PCDH9: variants seen among roughly 807,000 people sequenced by gnomAD.
PCDH9 encodes the protein protocadherin 9.
In PCDH9, 24 loss-of-function variants were observed where a neutral mutation model predicts 70.6. The ratio of observed to expected loss-of-function variants is 0.34; its 90% CI spans 0.25 to 0.48. The LOEUF (loss-of-function observed/expected upper bound fraction) is 0.48. Ranked by LOEUF, PCDH9 falls within the 20% of genes least tolerant of loss-of-function variation. PCDH9 has a pLI of 0.99. For synonymous variants in PCDH9, 562 were observed against 558.5 expected, an observed-to-expected ratio of 1.01 and a Z score of -0.09; for missense variants, 1,281 against 1,503.6, an observed-to-expected ratio of 0.85 and a Z score of 2.45.
At chr13:66,997,968 GTGTT>G (rs1478693691) in intron 2 of PCDH9, among the ~76,000 whole-genome samples, 8 of 152,192 alleles carry the variant, frequency 5.3e-5, no homozygotes, top group African/African-American at 1.7e-4. Context: ...CTGTCAGTTT[GTGTT>G]TGTTTGTTTG....
At chr13:66,609,922 C>G (rs913006144) in intron 4 of PCDH9, among the ~76,000 whole-genome samples, 5 of 150,374 alleles carry the variant, frequency 3.3e-5, no homozygotes, top group African/African-American at 1.2e-4. Flanking sequence ...TCTGAGAACA[C>G]TGATACCAGT....
chr13:66,710,769 C>T (rs1002144836), intron 3 of PCDH9, among the ~76,000 whole-genome samples: 2 of 151,928 alleles, frequency 1.3e-5, no homozygotes, highest in Non-Finnish European at 2.9e-5. Context: ...TTGCCTTTTT[C>T]ATTTTTTTAA....
At chr13:66,906,498 G>T (rs1253472399) in intron 2 of PCDH9, among the ~76,000 whole-genome samples, 3 of 152,098 alleles carry the variant, frequency 2.0e-5, no homozygotes, top group African/African-American at 7.2e-5. Flanking sequence ...ACTTTTCCAA[G>T]AAAATATGCA....
At chr13:66,696,972 C>G (rs749151914) in intron 3 of PCDH9, among the ~76,000 whole-genome samples, 1 of 151,652 alleles carries the variant, frequency 6.6e-6, no homozygotes, top group African/African-American at 2.4e-5. Flanking sequence ...GTGGTATGTA[C>G]CTGCAGTCTC....
intron 2 of PCDH9, among the ~76,000 whole-genome samples, chr13:66,971,560 A>G (rs2147343): frequency 0.27 from 41,733 of 151,944 alleles, 6,313 homozygotes; most frequent in East Asian, 0.61. Context: ...CAAGGCCATT[A>G]CTGCCTCCTG....
intron 2 of PCDH9, among the ~76,000 whole-genome samples, chr13:66,909,334 T>C (rs1359305008): frequency 6.6e-6 from 1 of 152,010 alleles, no homozygotes; most frequent in Non-Finnish European, 1.5e-5. Flanking sequence ...TGTTCATAGA[T>C]TGGAAGGATT....
intron 4 of PCDH9, among the ~76,000 whole-genome samples, chr13:66,484,148 C>T (rs1456284719): frequency 6.6e-6 from 1 of 152,154 alleles, no homozygotes; most frequent in Admixed American, 6.5e-5. Context: ...TGATCGGATT[C>T]TTCCTCTATA....
At chr13:67,161,595 G>T (rs1322828918) in intron 2 of PCDH9, among the ~76,000 whole-genome samples, 1 of 152,158 alleles carries the variant, frequency 6.6e-6, no homozygotes, top group Non-Finnish European at 1.5e-5. Context: ...GTTTCTGCAG[G>T]TCATACATAG....
chr13:66,475,049 G>A (rs1363164902), intron 4 of PCDH9, among the ~76,000 whole-genome samples: 1 of 152,052 alleles, frequency 6.6e-6, no homozygotes, highest in Admixed American at 6.6e-5. Flanking sequence ...ATTAGATGAT[G>A]TATAAGGACT....
chr13:66,908,028 G>T (rs2082392558), intron 2 of PCDH9, among the ~76,000 whole-genome samples: 1 of 152,106 alleles, frequency 6.6e-6, no homozygotes, highest in Non-Finnish European at 1.5e-5. Flanking sequence ...CAGAACATTT[G>T]TTTAATAATT....
At chr13:66,953,592 C>T (rs1347509871) in intron 2 of PCDH9, among the ~76,000 whole-genome samples, 1 of 152,180 alleles carries the variant, frequency 6.6e-6, no homozygotes, top group Non-Finnish European at 1.5e-5. Flanking sequence ...TCCCTTCTCT[C>T]CTGCTTTCCT....
intron 4 of PCDH9, among the ~76,000 whole-genome samples, chr13:66,391,191 A>C (rs149785130): frequency 2.2e-3 from 332 of 152,312 alleles, no homozygotes; most frequent in Non-Finnish European, 2.7e-3. Flanking sequence ...ATAAAAAGGA[A>C]AATAACGTCC....
chr13:66,903,635 A>C, intron 2 of PCDH9, 30 bp from the exon 3 acceptor site: 1 of 925,614 alleles, frequency 1.1e-6, no homozygotes, highest in Non-Finnish European at 1.8e-6. Context: ...AATTGTGACA[A>C]ACTACTCCAC....
intron 3 of PCDH9, among the ~76,000 whole-genome samples, chr13:66,766,532 C>T (rs1267509077): frequency 6.6e-6 from 1 of 150,736 alleles, no homozygotes; most frequent in Non-Finnish European, 1.5e-5. Flanking sequence ...GTAGATAGCA[C>T]AGCAGTAGTC....
At chr13:66,755,880 C>T (rs1490123728) in intron 3 of PCDH9, among the ~76,000 whole-genome samples, 1 of 152,154 alleles carries the variant, frequency 6.6e-6, no homozygotes, top group African/African-American at 2.4e-5. Flanking sequence ...ATCCCAGACT[C>T]ATGGGTCCAG....
At chr13:66,645,049 C>A (rs2077754065) in intron 3 of PCDH9, among the ~76,000 whole-genome samples, 1 of 152,046 alleles carries the variant, frequency 6.6e-6, no homozygotes. Flanking sequence ...GGCATCTTAT[C>A]TGAGGCTTTA....
At chr13:66,922,915 T>A (rs2082660012) in intron 2 of PCDH9, among the ~76,000 whole-genome samples, 1 of 151,478 alleles carries the variant, frequency 6.6e-6, no homozygotes. Flanking sequence ...TATTATTAAT[T>A]TTTTAGAAAC....
At chr13:66,639,576 T>A (rs1182408223) in intron 3 of PCDH9, among the ~76,000 whole-genome samples, 2 of 152,208 alleles carry the variant, frequency 1.3e-5, no homozygotes, top group African/African-American at 2.4e-5. Context: ...GTATACCCTA[T>A]ACTCCTTTTG....
intron 4 of PCDH9, among the ~76,000 whole-genome samples, chr13:66,606,826 C>T (rs913114917): frequency 6.6e-6 from 1 of 151,720 alleles, no homozygotes; most frequent in Non-Finnish European, 1.5e-5. Context: ...AGTGTTAATA[C>T]CAAAACCATC....
Sources: allele counts gnomAD v4.1 joint callset (sites outside exome capture counted in the v4.1 genomes callset), GRCh38; gene constraint gnomAD v4.1.1; transcripts MANE v1.5; gene names NCBI Gene and HGNC (gene_info 2026-07-23, HGNC 2026-07-21).